Variants in EDIL3 observed in about 807,000 individuals in gnomAD.
The protein encoded by EDIL3 is EGF like and discoidin domains 3.
EDIL3 carries 37 observed loss-of-function variants against 67.4 expected under a neutral mutation model. That is an observed-to-expected ratio of 0.55 (90% CI 0.42 to 0.72). The LOEUF is 0.72. EDIL3 is among the 30% of genes least tolerant of loss of function. EDIL3 has a pLI of 0.00. For synonymous variants in EDIL3, 195 were observed against 196.3 expected (o/e 0.99, Z 0.05); for missense variants, 527 against 586.3 (o/e 0.90, Z 1.04).
At chr5:84,361,270 A>AACACACACAC (rs10553087) in intron 1 of EDIL3, among the ~76,000 whole-genome samples, 4,313 of 147,442 alleles carry the variant, frequency 0.029, 166 homozygotes, top group African/African-American at 0.093. Context: ...AGGTCATTAC[A>AACACACACAC]ACACACACAC....
chr5:84,174,024 A>G (rs1748858034), intron 4 of EDIL3, among the ~76,000 whole-genome samples: 1 of 152,132 alleles, frequency 6.6e-6, no homozygotes, highest in Non-Finnish European at 1.5e-5. Context: ...CTGGGATGAA[A>G]GACAAAGGAG....
Position 83,970,106 on chromosome 5 carries a change from C to T in EDIL3, c.1138-6746G>A, listed in dbSNP as rs558459015. 1.4e-3 allele frequency among the ~76,000 whole-genome samples: 205 copies of T among 151,582 alleles called. 1 individual carries two copies. Among genetic ancestry groups the T allele is most frequent in the African/African-American group, 4.7e-3 (195 of 41,428 alleles). On this transcript the variant is annotated intron_variant, in intron 9 of 10. Transcript: ENST00000296591. ...CTACTTTTTACTTCTATGAGATCAA[C>T]TTTTTTTAGCTTCTACACAAGTGAG... is the stretch of plus-strand genomic sequence containing the variant.
intron 3 of EDIL3, among the ~76,000 whole-genome samples, chr5:84,203,579 T>C (rs903379410): frequency 2.0e-5 from 3 of 152,194 alleles, no homozygotes; most frequent in Admixed American, 6.5e-5. Flanking sequence ...AATATTCAAG[T>C]GATCTTCAGG....
At chr5:84,009,289 A>C (rs1745478137) in intron 9 of EDIL3, among the ~76,000 whole-genome samples, 1 of 152,222 alleles carries the variant, frequency 6.6e-6, no homozygotes, top group South Asian at 2.1e-4. Context: ...GCAAACATCA[A>C]AACTGCGAAA....
chr5:84,074,279 T>C (rs536453912), intron 6 of EDIL3, among the ~76,000 whole-genome samples: 1 of 149,800 alleles, frequency 6.7e-6, no homozygotes, highest in South Asian at 2.1e-4. Context: ...ATTCAGGACA[T>C]AGGCATGGGC....
intron 9 of EDIL3, among the ~76,000 whole-genome samples, chr5:83,991,419 C>T (rs895081936): frequency 1.3e-5 from 2 of 152,126 alleles, no homozygotes; most frequent in Admixed American, 6.6e-5. Flanking sequence ...TCTGCCTCAT[C>T]GATTCACCAT....
At chr5:84,250,447 G>T (rs140052871) in intron 2 of EDIL3, among the ~76,000 whole-genome samples, 1 of 152,216 alleles carries the variant, frequency 6.6e-6, no homozygotes, top group Admixed American at 6.5e-5. Context: ...ACTATCCTAC[G>T]TAACACAGGA....
At position 84,076,263 on chromosome 5, in the gene EDIL3, T is replaced by C. The variant is rs539132786; in HGVS notation, c.652-9657A>G. Among the ~76,000 whole-genome samples the C allele has an allele frequency of 5.9e-5, 9 of 152,230 alleles. No homozygotes were observed. In the South Asian group the frequency reaches 1.9e-3, roughly 32 times the overall value. On this transcript the variant is annotated intron_variant, in intron 6 of 10. Transcript: ENST00000296591. ...GGAAGAAAATGTAGCTTCATACAAA[T>C]ATGCAGCTAGAAAAGAAGAGATGAC...
chr5:84,018,904 G>A (rs1275044595), intron 9 of EDIL3, among the ~76,000 whole-genome samples: 1 of 152,122 alleles, frequency 6.6e-6, no homozygotes, highest in African/African-American at 2.4e-5. Context: ...AACAGGTGCT[G>A]GAGAGGATGT....
intron 7 of EDIL3, 130 bp from the exon 8 acceptor site, chr5:84,064,974 A>G (rs1680310891): frequency 1.7e-6 from 2 of 1,200,684 alleles, no homozygotes; most frequent in African/African-American, 3.1e-5. Flanking sequence ...AGCATGGAGC[A>G]TTTGAGAAGT....
chr5:83,957,641 A>G (rs984847722), intron 10 of EDIL3, among the ~76,000 whole-genome samples: 5 of 151,720 alleles, frequency 3.3e-5, no homozygotes, highest in African/African-American at 1.2e-4. Flanking sequence ...GAGAAAGGGA[A>G]GGAGGTTGAA....
At chr5:84,159,941 T>G (rs1223455395) in intron 4 of EDIL3, among the ~76,000 whole-genome samples, 1 of 152,138 alleles carries the variant, frequency 6.6e-6, no homozygotes, top group African/African-American at 2.4e-5. Flanking sequence ...TGTATTTAGT[T>G]CATAATAGAA....
intron 1 of EDIL3, among the ~76,000 whole-genome samples, chr5:84,364,600 G>A (rs1309353682): frequency 6.6e-6 from 1 of 152,034 alleles, no homozygotes; most frequent in Non-Finnish European, 1.5e-5. Flanking sequence ...CTTAAAATGA[G>A]AAGATAATCC....
chr5:84,088,271 T>C (rs968370084), intron 6 of EDIL3, among the ~76,000 whole-genome samples: 6 of 152,228 alleles, frequency 3.9e-5, no homozygotes, highest in African/African-American at 1.2e-4. Context: ...AGATAATGCA[T>C]TGATGTTTCA....
chr5:84,209,162 G>T (rs561549066), intron 3 of EDIL3, among the ~76,000 whole-genome samples: 3 of 151,912 alleles, frequency 2.0e-5, no homozygotes, highest in South Asian at 4.2e-4. Context: ...ACTCATAGAT[G>T]GGAATTGAAC....
At chr5:84,294,112 G>A (rs186451077) in intron 1 of EDIL3, among the ~76,000 whole-genome samples, 5 of 151,808 alleles carry the variant, frequency 3.3e-5, no homozygotes, top group East Asian at 1.9e-4. Flanking sequence ...GGCCGGGTGC[G>A]GTGGCTCACG....
chr5:84,133,015 G>A (rs1748019784), intron 5 of EDIL3, among the ~76,000 whole-genome samples: 1 of 152,080 alleles, frequency 6.6e-6, no homozygotes, highest in Non-Finnish European at 1.5e-5. Context: ...AGTAGTGCCA[G>A]TGATAAAAAT....
intron 6 of EDIL3, among the ~76,000 whole-genome samples, chr5:84,078,371 G>A (rs531814796): frequency 2.0e-5 from 3 of 151,926 alleles, no homozygotes; most frequent in African/African-American, 7.2e-5. Flanking sequence ...GTTTTTATAC[G>A]GATATCTAAA....
rs116574357 is a variant in EDIL3 at position 84,144,696 on chromosome 5, T to C, written c.356-7342A>G. Reference sequence around the variant, plus strand: ...CTAAGAGTGACTCCTCATTGTCCCATAGTTCTTTTCTCCAAGTGTGTAAGG... The same window carrying C: ...CTAAGAGTGACTCCTCATTGTCCCACAGTTCTTTTCTCCAAGTGTGTAAGG... On this transcript the variant is annotated intron_variant, in intron 4 of 10. Coordinates refer to ENST00000296591, the MANE Select transcript of EDIL3 (RefSeq NM_005711.5). Among the ~76,000 whole-genome samples, 1,309 of 152,238 alleles carry C rather than the reference T, an allele frequency of 8.6e-3. 24 individuals carry two copies. Among genetic ancestry groups the C allele is most frequent in the African/African-American group, 0.029 (1,208 of 41,560 alleles).
Sources: gnomAD v4.1 joint callset for allele counts (sites outside exome capture counted in the v4.1 genomes callset) on GRCh38, gnomAD v4.1.1 for gene constraint, MANE v1.5 for transcripts, NCBI Gene and HGNC (gene_info 2026-07-23, HGNC 2026-07-21) for gene names.